Variants in GRIK1 observed in about 807,000 individuals in gnomAD.
The protein encoded by GRIK1 is glutamate receptor ionotropic, kainate 1.
A neutral mutation model predicts 105.7 loss-of-function variants in GRIK1; 69 were observed. That is an observed-to-expected ratio of 0.65 (90% CI 0.54 to 0.80). The LOEUF is 0.80. Among genes scored for constraint, GRIK1 ranks in the 30% least tolerant of loss-of-function variants. The pLI, the probability that GRIK1 is intolerant of heterozygous loss-of-function variation, is 0.00. For synonymous variants in GRIK1, 438 were observed against 431.3 expected (o/e 1.02, Z -0.19); for missense variants, 1,109 against 1,167.3 (o/e 0.95, Z 0.73).
At chr21:29,865,750 A>G (rs2068780215) in intron 1 of GRIK1, among the ~76,000 whole-genome samples, 1 of 152,272 alleles carries the variant, frequency 6.6e-6, no homozygotes. Flanking sequence ...TAACTTTGAA[A>G]CAAATCTTGG....
chr21:29,587,229 G>T, intron 12 of GRIK1, 137 bp downstream of exon 12: 1 of 514,012 alleles, frequency 1.9e-6, no homozygotes, highest in Non-Finnish European at 3.5e-6. Context: ...GCTTTTATAT[G>T]GAAACCTTCC....
At chr21:29,792,779 C>T (rs1006219213) in intron 1 of GRIK1, among the ~76,000 whole-genome samples, 5 of 152,144 alleles carry the variant, frequency 3.3e-5, no homozygotes, top group African/African-American at 4.8e-5. Flanking sequence ...ATTCATGATG[C>T]GACTTAGTAT....
chr21:29,891,213 C>T (rs2069885149), intron 1 of GRIK1, among the ~76,000 whole-genome samples: 1 of 151,968 alleles, frequency 6.6e-6, no homozygotes, highest in African/African-American at 2.4e-5. Context: ...GTGGAAAAGC[C>T]AAAGAAAATG....
intron 4 of GRIK1, among the ~76,000 whole-genome samples, chr21:29,662,972 C>T (rs1257750992): frequency 2.0e-5 from 3 of 152,124 alleles, no homozygotes; most frequent in Non-Finnish European, 4.4e-5. Context: ...TTTATATTAA[C>T]CAAGCTCATA....
At chr21:29,665,410 G>C (rs2063040538) in intron 4 of GRIK1, among the ~76,000 whole-genome samples, 1 of 152,166 alleles carries the variant, frequency 6.6e-6, no homozygotes, top group Admixed American at 6.5e-5. Context: ...TACCGCCAAA[G>C]TAATTATATA....
At chr21:29,909,406 C>T (rs1033955923) in intron 1 of GRIK1, among the ~76,000 whole-genome samples, 4 of 151,390 alleles carry the variant, frequency 2.6e-5, no homozygotes, top group Admixed American at 6.6e-5. Context: ...GATCTCTGGT[C>T]ATTAATATGT....
chr21:29,563,041 G>C (rs530092811), intron 14 of GRIK1, among the ~76,000 whole-genome samples: 1 of 151,412 alleles, frequency 6.6e-6, no homozygotes, highest in African/African-American at 2.4e-5. Flanking sequence ...ATTTGCATCA[G>C]CATTCTCCAC....
chr21:29,689,725 T>A lies in GRIK1; in HGVS notation c.544+3A>T. 2 of 1,613,762 alleles carry A rather than the reference T, an allele frequency of 1.2e-6. No homozygotes were observed. Among genetic ancestry groups the A allele is most frequent in the Non-Finnish European group, 1.7e-6 (2 of 1,179,666 alleles). On this transcript the variant is annotated splice_donor_region_variant and intron_variant, in intron 3 of 17. Transcript: ENST00000327783. ...CGGGTGAGGTCTTGTGTGAGTCCCA[T>A]ACCTGTGCTGTCTTCATACACCACT... is the stretch of plus-strand genomic sequence containing the variant.
intron 7 of GRIK1, chr21:29,630,501 A>G (rs2062242235): frequency 2.1e-6 from 1 of 471,434 alleles, no homozygotes; most frequent in Non-Finnish European, 4.4e-6. Flanking sequence ...ATAAAAAGGG[A>G]TTTAGAAAAC....
intron 1 of GRIK1, among the ~76,000 whole-genome samples, chr21:29,813,865 CACTA>C (rs2067077408): frequency 6.6e-6 from 1 of 151,002 alleles, no homozygotes; most frequent in South Asian, 2.1e-4. Context: ...CTTGTCCATC[CACTA>C]CGTACTAAAC....
chr21:29,701,822 T>G (rs2063818233), intron 1 of GRIK1, among the ~76,000 whole-genome samples: 1 of 152,050 alleles, frequency 6.6e-6, no homozygotes, highest in Admixed American at 6.6e-5. Context: ...TGACAAAAAG[T>G]GGTTGAATTC....
chr21:29,892,328 C>T (rs1278982684), intron 1 of GRIK1, among the ~76,000 whole-genome samples: 2 of 152,180 alleles, frequency 1.3e-5, no homozygotes, highest in Non-Finnish European at 2.9e-5. Flanking sequence ...AAGGAGGTGG[C>T]ATGTGAATCC....
At chr21:29,806,563 T>A (rs902673829) in intron 1 of GRIK1, among the ~76,000 whole-genome samples, 2 of 152,140 alleles carry the variant, frequency 1.3e-5, no homozygotes, top group Non-Finnish European at 2.9e-5. Context: ...ATTATTTAAA[T>A]ATCAATACTA....
At chr21:29,745,314 C>CAGATG (rs1207171319) in intron 1 of GRIK1, among the ~76,000 whole-genome samples, 2 of 152,156 alleles carry the variant, frequency 1.3e-5, no homozygotes, top group Non-Finnish European at 2.9e-5. Context: ...GTTGAAACTG[C>CAGATG]AGATGAGACT....
intron 14 of GRIK1, among the ~76,000 whole-genome samples, 178 bp from the exon 15 acceptor site, chr21:29,562,027 T>G (rs2090493284): frequency 6.6e-6 from 1 of 152,198 alleles, no homozygotes; most frequent in Non-Finnish European, 1.5e-5. Flanking sequence ...CCCAGTTCAC[T>G]CACTATTGGA....
intron 1 of GRIK1, among the ~76,000 whole-genome samples, chr21:29,773,668 C>T (rs761768277): frequency 6.6e-6 from 1 of 152,048 alleles, no homozygotes; most frequent in Non-Finnish European, 1.5e-5. Flanking sequence ...CATAGCTCAT[C>T]TAGAAAACGA....
chr21:29,872,063 A>G (rs1486898436), intron 1 of GRIK1, among the ~76,000 whole-genome samples: 1 of 151,938 alleles, frequency 6.6e-6, no homozygotes, highest in East Asian at 1.9e-4. Flanking sequence ...CATGCCAACC[A>G]AGGGCCAATA....
chr21:29,848,779 A>T (rs181035136), intron 1 of GRIK1, among the ~76,000 whole-genome samples: 9,242 of 78,112 alleles, frequency 0.12, 884 homozygotes, highest in African/African-American at 0.26. Flanking sequence ...ATATATATAT[A>T]TTTTTTTTTT....
At chr21:29,577,243 A>G in intron 13 of GRIK1, 62 bp from the exon 14 acceptor site, 2 of 895,902 alleles carry the variant, frequency 2.2e-6, no homozygotes, top group East Asian at 2.4e-5. Flanking sequence ...GAAGATGTAC[A>G]GTTCGACACT....
Sources: allele counts gnomAD v4.1 joint callset (sites outside exome capture counted in the v4.1 genomes callset), GRCh38; gene constraint gnomAD v4.1.1; transcripts MANE v1.5; gene names NCBI Gene and HGNC (gene_info 2026-07-23, HGNC 2026-07-21).